The following MDGA2 variants were observed in gnomAD, a reference collection of about 807,000 sequenced individuals.
MDGA2 encodes the protein MAM domain containing glycosylphosphatidylinositol anchor 2.
MDGA2 carries 40 observed loss-of-function variants against 117.8 expected under a neutral mutation model. That is an observed-to-expected ratio of 0.34 (90% CI 0.26 to 0.44). The LOEUF is 0.44. Ranked by LOEUF, MDGA2 falls within the 20% of genes least tolerant of loss-of-function variation. The pLI, the probability that MDGA2 is intolerant of heterozygous loss-of-function variation, is 1.00. For synonymous variants in MDGA2, 452 were observed against 439.0 expected, an observed-to-expected ratio of 1.03 and a Z score of -0.37; for missense variants, 1,123 against 1,250.6, an observed-to-expected ratio of 0.90 and a Z score of 1.54.
chr14:46,864,766 A>T (rs964525350), intron 14 of MDGA2, among the ~76,000 whole-genome samples: 1 of 152,048 alleles, frequency 6.6e-6, no homozygotes, highest in African/African-American at 2.4e-5. Flanking sequence ...ATCAACTATT[A>T]TCAAACAGCT....
At chr14:46,992,594 T>C (rs1260921262) in intron 8 of MDGA2, among the ~76,000 whole-genome samples, 1 of 152,132 alleles carries the variant, frequency 6.6e-6, no homozygotes, top group African/African-American at 2.4e-5. Context: ...TGACTTTTAT[T>C]TGTATAATGT....
intron 1 of MDGA2, among the ~76,000 whole-genome samples, chr14:47,353,774 C>T (rs1243148327): frequency 6.6e-6 from 1 of 152,116 alleles, no homozygotes; most frequent in Non-Finnish European, 1.5e-5. Context: ...TTCCAAAGAA[C>T]TGAAGAGGTG....
chr14:47,430,960 C>A (rs777198480), intron 1 of MDGA2, among the ~76,000 whole-genome samples: 36 of 152,100 alleles, frequency 2.4e-4, no homozygotes, highest in Non-Finnish European at 4.1e-4. Flanking sequence ...ATGTGCAGGG[C>A]TTAAAATTGT....
chr14:47,285,966 TTAAA>T (rs1888656225), intron 2 of MDGA2, among the ~76,000 whole-genome samples: 1 of 152,102 alleles, frequency 6.6e-6, no homozygotes, highest in Non-Finnish European at 1.5e-5. Flanking sequence ...TATTCACTCA[TTAAA>T]TAAATATTTG....
chr14:46,965,860 T>C (rs1201229666), intron 8 of MDGA2, among the ~76,000 whole-genome samples: 2 of 152,130 alleles, frequency 1.3e-5, no homozygotes, highest in Non-Finnish European at 1.5e-5. Flanking sequence ...GTATTCAACA[T>C]GAAGGAAATG....
At chr14:47,297,030 C>T (rs948137838) in intron 2 of MDGA2, among the ~76,000 whole-genome samples, 29 of 152,120 alleles carry the variant, frequency 1.9e-4, no homozygotes, top group African/African-American at 6.5e-4. Flanking sequence ...GTGAAGGGAT[C>T]TGAGAATCTT....
intron 10 of MDGA2, among the ~76,000 whole-genome samples, chr14:46,895,485 G>T (rs1267633881): frequency 6.6e-6 from 1 of 152,132 alleles, no homozygotes; most frequent in Admixed American, 6.5e-5. Flanking sequence ...CAGCACTTTG[G>T]GAGGCCGAGG....
At chr14:47,295,127 T>A (rs1250579976) in intron 2 of MDGA2, among the ~76,000 whole-genome samples, 1 of 152,186 alleles carries the variant, frequency 6.6e-6, no homozygotes, top group Non-Finnish European at 1.5e-5. Flanking sequence ...TCAAAAATAT[T>A]TTAGTGATGA....
At chr14:47,038,419 T>C (rs968397365) in intron 7 of MDGA2, among the ~76,000 whole-genome samples, 1 of 152,200 alleles carries the variant, frequency 6.6e-6, no homozygotes, top group African/African-American at 2.4e-5. Context: ...CAATAGATTA[T>C]TGACTATAAT....
At chr14:47,124,283 G>T (rs1881792483) in intron 5 of MDGA2, among the ~76,000 whole-genome samples, 1 of 152,020 alleles carries the variant, frequency 6.6e-6, no homozygotes, top group African/African-American at 2.4e-5. Flanking sequence ...GTAATCTTTT[G>T]ACGATGCTTT....
At chr14:47,461,747 C>A (rs1163265984) in intron 1 of MDGA2, among the ~76,000 whole-genome samples, 1 of 152,084 alleles carries the variant, frequency 6.6e-6, no homozygotes, top group African/African-American at 2.4e-5. Flanking sequence ...AACTGAGCAA[C>A]ATATGATCCC....
At chr14:47,251,765 T>C (rs1887454622) in intron 2 of MDGA2, among the ~76,000 whole-genome samples, 1 of 152,168 alleles carries the variant, frequency 6.6e-6, no homozygotes, top group Non-Finnish European at 1.5e-5. Flanking sequence ...AAAGAACGTT[T>C]CTTTAAAATC....
chr14:47,182,498 G>A (rs1884748366), intron 3 of MDGA2, among the ~76,000 whole-genome samples: 2 of 152,048 alleles, frequency 1.3e-5, no homozygotes, highest in South Asian at 4.1e-4. Flanking sequence ...AGCAGAAGAG[G>A]ACACAGAAAG....
At chr14:47,627,958 G>GT (rs1555337674) in intron 1 of MDGA2, among the ~76,000 whole-genome samples, 1 of 152,134 alleles carries the variant, frequency 6.6e-6, no homozygotes, top group Non-Finnish European at 1.5e-5. Flanking sequence ...TTTAAGAACT[G>GT]TAACACTCAC....
At chr14:47,268,789 T>G (rs184359006) in intron 2 of MDGA2, among the ~76,000 whole-genome samples, 146 of 152,334 alleles carry the variant, frequency 9.6e-4, no homozygotes, top group Admixed American at 4.4e-3. Flanking sequence ...AAACATTCTC[T>G]GCATTAATGA....
intron 8 of MDGA2, among the ~76,000 whole-genome samples, chr14:46,958,825 T>C (rs1328053362): frequency 6.6e-6 from 1 of 152,230 alleles, no homozygotes; most frequent in East Asian, 1.9e-4. Context: ...TCCACATGTT[T>C]TCAATCCTCT....
chr14:47,673,272 G>A (rs769976610), intron 1 of MDGA2, among the ~76,000 whole-genome samples: 7 of 152,174 alleles, frequency 4.6e-5, no homozygotes, highest in Admixed American at 1.3e-4. Flanking sequence ...AGGATTCACT[G>A]GCACCTGTGT....
At chr14:47,386,007 G>A (rs545138280) in intron 1 of MDGA2, among the ~76,000 whole-genome samples, 9 of 152,238 alleles carry the variant, frequency 5.9e-5, no homozygotes, top group South Asian at 2.1e-4. Flanking sequence ...TCAGCCAGGC[G>A]CGGTGGCTCA....
chr14:47,437,106 G>C (rs532470011), intron 1 of MDGA2, among the ~76,000 whole-genome samples: 1 of 151,780 alleles, frequency 6.6e-6, no homozygotes, highest in Non-Finnish European at 1.5e-5. Context: ...GGTGGGGAGG[G>C]GGACAATTCC....
Sources: allele counts gnomAD v4.1 joint callset (sites outside exome capture counted in the v4.1 genomes callset), GRCh38; gene constraint gnomAD v4.1.1; transcripts MANE v1.5; gene names NCBI Gene and HGNC (gene_info 2026-07-23, HGNC 2026-07-21).